The following PCDHGA4 variants were observed in gnomAD, a reference collection of about 807,000 sequenced individuals.
The protein encoded by PCDHGA4 is protocadherin gamma-A4.
In PCDHGA4, 38 loss-of-function variants were observed where a neutral mutation model predicts 54.6. That is an observed-to-expected ratio of 0.70 (90% CI 0.54 to 0.91). PCDHGA4 has a LOEUF of 0.91. PCDHGA4 is among the 40% of genes least tolerant of loss of function. The pLI is 0.00. For synonymous variants in PCDHGA4, 511 were observed against 512.9 expected (o/e 1.00, Z 0.05); for missense variants, 1,298 against 1,220.9 (o/e 1.06, Z -0.94).
Position 141,494,815 on chromosome 5 carries a change from G to A in PCDHGA4, c.2523G>A (p.Pro841=), listed in dbSNP as rs765344906. 1 of 1,613,976 alleles carries A rather than the reference G, an allele frequency of 6.2e-7. No homozygotes were observed. Among genetic ancestry groups the A allele is most frequent in the South Asian group, 1.1e-5 (1 of 91,072 alleles). ...TKGDPNLQQA[P]PNTDWRFSQA... The stretch of plus-strand genomic sequence containing the variant: ...CTCTGTTTTCTCCACAGCAAGCCCC[G>A]CCCAACACGGACTGGCGTTTCTCTC... The change falls in exon 2 of 4, where the codon CCG becomes CCA. Residue 841 remains proline, a synonymous_variant. Transcript: ENST00000571252.
rs2099634686 is a variant in PCDHGA4 at position 141,486,772 on chromosome 5, T to G, written c.2515-8035T>G. 1 of 1,614,246 alleles carries G rather than the reference T, an allele frequency of 6.2e-7. No individual in the cohort carries two copies. The highest frequency in any genetic ancestry group is 8.5e-7 in the Non-Finnish European group (1 of 1,180,042). Reference sequence around the variant, plus strand: ...ATGAGCAAACCCAGACACTGCAGTTTGAGGTGCAGGCCCGGGATCGGGGCA... The same window carrying G: ...ATGAGCAAACCCAGACACTGCAGTTGGAGGTGCAGGCCCGGGATCGGGGCA... On this transcript the variant is annotated intron_variant, in intron 1 of 3. Coordinates refer to ENST00000571252, the MANE Select transcript of PCDHGA4 (RefSeq NM_018917.4). This position sits in a 1 kb window ranked among gnomAD's most constrained non-coding sequence, Gnocchi z 5.0.
At chr5:141,370,888 A>T (rs765704496) in intron 1 of PCDHGA4, 3 of 1,614,036 alleles carry the variant, frequency 1.9e-6, no homozygotes, top group Non-Finnish European at 2.5e-6. Flanking sequence ...GTAGGTGTCA[A>T]TTCGCTGCAG....
chr5:141,461,167 C>T (rs917796588), intron 1 of PCDHGA4, among the ~76,000 whole-genome samples: 2 of 151,968 alleles, frequency 1.3e-5, no homozygotes, highest in Non-Finnish European at 2.9e-5. Context: ...AGTGGGATTG[C>T]TGGATTGAAT....
chr5:141,492,492 G>A (rs896538392), intron 1 of PCDHGA4, among the ~76,000 whole-genome samples: 2 of 152,206 alleles, frequency 1.3e-5, no homozygotes, highest in African/African-American at 2.4e-5. Context: ...AGGACCAGGC[G>A]AGGACTCCGG....
intron 3 of PCDHGA4, among the ~76,000 whole-genome samples, chr5:141,507,500 A>G (rs2099861039): frequency 6.6e-6 from 1 of 152,206 alleles, no homozygotes; most frequent in Admixed American, 6.5e-5. Flanking sequence ...GAGCTGTCCC[A>G]GGTCTGGTGG....
At chr5:141,365,300 G>A in intron 1 of PCDHGA4, 1 of 1,614,010 alleles carries the variant, frequency 6.2e-7, no homozygotes, top group South Asian at 1.1e-5. Flanking sequence ...AGCTCAGGAT[G>A]GAGGCGCTCT....
chr5:141,488,807 C>G (rs2099679535), intron 1 of PCDHGA4, among the ~76,000 whole-genome samples: 1 of 152,170 alleles, frequency 6.6e-6, no homozygotes, highest in Non-Finnish European at 1.5e-5. Flanking sequence ...TGAGTACCAT[C>G]TGAGCTGTCA....
intron 1 of PCDHGA4, among the ~76,000 whole-genome samples, chr5:141,433,805 C>T (rs1325364387): frequency 1.3e-5 from 2 of 150,004 alleles, no homozygotes; most frequent in South Asian, 4.2e-4. Flanking sequence ...CCATTGCACT[C>T]CAGCCTGGGC....
At chr5:141,412,367 A>C (rs1055060515) in intron 1 of PCDHGA4, 3 of 152,264 alleles carry the variant, frequency 2.0e-5, no homozygotes, top group Admixed American at 6.5e-5. Flanking sequence ...TTACCTGCTT[A>C]ATCATTTAAA....
In PCDHGA4 at chr5:141,489,663, C is replaced by T. The variant is rs1183544696; in HGVS notation, c.2515-5144C>T. The T allele has an allele frequency of 1.9e-6, 3 of 1,614,048 alleles. No individual in the cohort carries two copies. The highest frequency in any genetic ancestry group is 2.2e-5 in the South Asian group (2 of 91,094). ...TTGCCACCCCTGAGCGAGAGATGCGCATCTCAGAATCAGCAGCATCTGGGG... is the reference window on the plus strand; with the variant it reads ...TTGCCACCCCTGAGCGAGAGATGCGTATCTCAGAATCAGCAGCATCTGGGG... On this transcript the variant is annotated intron_variant, in intron 1 of 3. Coordinates refer to ENST00000571252, the MANE Select transcript of PCDHGA4 (RefSeq NM_018917.4). This position sits in a 1 kb window ranked among gnomAD's most constrained non-coding sequence, Gnocchi z 4.5.
intron 1 of PCDHGA4, among the ~76,000 whole-genome samples, chr5:141,359,645 G>T (rs1457992674): frequency 6.6e-6 from 1 of 151,998 alleles, no homozygotes; most frequent in Non-Finnish European, 1.5e-5. Context: ...TGTAAAGAAG[G>T]AGACAGAATA....
intron 1 of PCDHGA4, chr5:141,373,939 G>A: frequency 2.8e-6 from 2 of 714,100 alleles, no homozygotes; most frequent in Non-Finnish European, 2.1e-6. Flanking sequence ...AAGCAGGAAA[G>A]CTGTGCAGAA....
chr5:141,444,044 T>C (rs188266846), intron 1 of PCDHGA4, among the ~76,000 whole-genome samples: 1 of 152,098 alleles, frequency 6.6e-6, no homozygotes, highest in East Asian at 1.9e-4. Flanking sequence ...ATCAGATAAT[T>C]TGGCATCTTC....
At chr5:141,454,131 G>A (rs754465889) in intron 1 of PCDHGA4, among the ~76,000 whole-genome samples, 2 of 152,334 alleles carry the variant, frequency 1.3e-5, no homozygotes, top group South Asian at 2.1e-4. Flanking sequence ...AGCTGACCAT[G>A]GGAATGTTCA....
chr5:141,371,333 T>C, intron 1 of PCDHGA4: 2 of 1,613,850 alleles, frequency 1.2e-6, no homozygotes, highest in Non-Finnish European at 1.7e-6. Context: ...AAGAGAGAGA[T>C]AGCTACACAA....
At chr5:141,375,579 C>G in intron 1 of PCDHGA4, 1 of 1,614,114 alleles carries the variant, frequency 6.2e-7, no homozygotes, top group South Asian at 1.1e-5. Flanking sequence ...CTCCAGGGGG[C>G]GCCCCTGTCC....
chr5:141,379,104 A>C (rs955091727), intron 1 of PCDHGA4: 1 of 152,246 alleles, frequency 6.6e-6, no homozygotes, highest in Admixed American at 6.5e-5. Flanking sequence ...AGAAAAAAGC[A>C]ATTGAGAAGA....
chr5:141,416,722 A>G (rs891558095), intron 1 of PCDHGA4: 3 of 152,258 alleles, frequency 2.0e-5, no homozygotes, highest in Admixed American at 6.5e-5. Context: ...TGATGAGTTC[A>G]TTTAGTTCAA....
Position 141,491,405 on chromosome 5 carries a change from A to C in PCDHGA4, c.2515-3402A>C. 6.2e-7 allele frequency: 1 copy of C among 1,614,096 alleles called. No individual in the cohort carries two copies. Among genetic ancestry groups the C allele is most frequent in the Non-Finnish European group, 8.5e-7 (1 of 1,179,998 alleles). On this transcript the variant is annotated intron_variant, in intron 1 of 3. Coordinates refer to ENST00000571252, the MANE Select transcript of PCDHGA4 (RefSeq NM_018917.4). This position sits in a 1 kb window ranked among gnomAD's most constrained non-coding sequence, Gnocchi z 6.9. ...GCGAAGTGCCTTCAGGGAAACGCAG[A>C]CGGGGACGGGGGTGGAGGGCAGTGC... is the stretch of plus-strand genomic sequence containing the variant.
Sources: allele counts gnomAD v4.1 joint callset (sites outside exome capture counted in the v4.1 genomes callset), GRCh38; gene constraint gnomAD v4.1.1; non-coding constraint Gnocchi (gnomAD v3.1); transcripts MANE v1.5; gene names NCBI Gene and HGNC (gene_info 2026-07-23, HGNC 2026-07-21).